Variants in NKAIN3 observed in about 807,000 individuals in gnomAD.
NKAIN3 encodes the protein sodium/potassium-transporting ATPase subunit beta-1-interacting protein 3.
Under a neutral mutation model 30.2 loss-of-function variants are expected in NKAIN3, and 25 were observed. The observed-to-expected ratio is 0.83, with a 90% CI of 0.60 to 1.16. NKAIN3 has a LOEUF of 1.16. NKAIN3 is among the 50% of genes most tolerant of loss of function. NKAIN3 has a pLI of 0.00. For missense variants in NKAIN3, 225 were observed against 254.1 expected (o/e 0.89, Z 0.78); for synonymous variants, 91 against 89.6 (o/e 1.02, Z -0.09).
At chr8:62,789,120 G>A (rs1406900533) in intron 4 of NKAIN3, among the ~76,000 whole-genome samples, 1 of 152,022 alleles carries the variant, frequency 6.6e-6, no homozygotes, top group Non-Finnish European at 1.5e-5. Flanking sequence ...AAATTACCTT[G>A]GGCAGTATGG....
intron 3 of NKAIN3, among the ~76,000 whole-genome samples, chr8:62,618,194 A>G (rs1811519427): frequency 6.6e-6 from 1 of 152,114 alleles, no homozygotes; most frequent in Non-Finnish European, 1.5e-5. Flanking sequence ...GGCACCATTC[A>G]TCTCGTCTGC....
At chr8:62,850,371 G>A (rs1468073341) in intron 4 of NKAIN3, among the ~76,000 whole-genome samples, 3 of 152,054 alleles carry the variant, frequency 2.0e-5, no homozygotes, top group African/African-American at 4.8e-5. Context: ...TGTCAGATGA[G>A]TAGATTGCAA....
At chr8:62,885,101 T>C (rs1049942430) in intron 4 of NKAIN3, among the ~76,000 whole-genome samples, 2 of 152,214 alleles carry the variant, frequency 1.3e-5, no homozygotes, top group African/African-American at 2.4e-5. Context: ...ATGTTGCTTT[T>C]ATCTAATGTT....
At chr8:62,365,193 T>G (rs1223978016) in intron 1 of NKAIN3, among the ~76,000 whole-genome samples, 1 of 152,172 alleles carries the variant, frequency 6.6e-6, no homozygotes, top group African/African-American at 2.4e-5. Flanking sequence ...TTATTATTAG[T>G]TTGATAAATT....
At chr8:62,401,212 CAA>C (rs538514111) in intron 1 of NKAIN3, among the ~76,000 whole-genome samples, 128 of 152,140 alleles carry the variant, frequency 8.4e-4, no homozygotes, top group African/African-American at 2.8e-3. Context: ...GCTGCTATTA[CAA>C]GACTCTTATG....
At chr8:62,474,175 A>C (rs1806440659) in intron 1 of NKAIN3, 1 of 152,166 alleles carries the variant, frequency 6.6e-6, no homozygotes, top group Non-Finnish European at 1.5e-5. Flanking sequence ...CATTCATGTG[A>C]TCAAACCCCA....
chr8:62,870,616 A>G (rs1820598759), intron 4 of NKAIN3, among the ~76,000 whole-genome samples: 1 of 107,368 alleles, frequency 9.3e-6, no homozygotes, highest in Non-Finnish European at 1.9e-5. Flanking sequence ...TATACAATAT[A>G]TATACAAAAT....
intron 4 of NKAIN3, among the ~76,000 whole-genome samples, chr8:62,901,810 C>T (rs1465157312): frequency 2.0e-5 from 3 of 152,180 alleles, no homozygotes; most frequent in Admixed American, 2.0e-4. Flanking sequence ...CTATAAACTC[C>T]ATATTTCTAC....
chr8:62,747,191 C>A, intron 4 of NKAIN3, 62 bp downstream of exon 4: 1 of 1,072,898 alleles, frequency 9.3e-7, no homozygotes, highest in Admixed American at 1.9e-5. Flanking sequence ...TTTTTTTCTC[C>A]ACATCTACCT....
intron 4 of NKAIN3, among the ~76,000 whole-genome samples, chr8:62,830,079 A>G (rs1819147814): frequency 6.6e-6 from 1 of 152,204 alleles, no homozygotes; most frequent in African/African-American, 2.4e-5. Flanking sequence ...AGATATACAT[A>G]TTTCAAACTC....
chr8:62,536,584 A>G (rs1008614977), intron 1 of NKAIN3, among the ~76,000 whole-genome samples: 2 of 151,938 alleles, frequency 1.3e-5, no homozygotes, highest in East Asian at 3.9e-4. Context: ...GTGGGGACAC[A>G]TCTAGTAAGG....
At chr8:62,737,364 T>G (rs1316531118) in intron 3 of NKAIN3, among the ~76,000 whole-genome samples, 1 of 152,226 alleles carries the variant, frequency 6.6e-6, no homozygotes, top group Non-Finnish European at 1.5e-5. Flanking sequence ...CTTTCTCATA[T>G]CACTTTTACA....
Position 62,983,899 on chromosome 8 carries a change from T to C in NKAIN3, c.*18492T>C, listed in dbSNP as rs1372889979. 6.6e-6 allele frequency: 1 copy of C among 152,192 alleles called. No homozygotes were observed. Among genetic ancestry groups the C allele is most frequent in the East Asian group, 1.9e-4 (1 of 5,194 alleles). The allele number at this position is 152,192 out of a possible 1,614,324, so 9.4% of individuals were successfully genotyped here. A position where few individuals can be genotyped will look rare whatever the true frequency, so the allele number is the denominator to read the frequency against. ...AACAGACATTTTCTTGTTACATGTG[T>C]GGTGATCTGAGAATGGTGACTTTGG... is the stretch of plus-strand genomic sequence containing the variant. On this transcript the variant is annotated 3_prime_UTR_variant, in exon 7 of 7. Coordinates refer to ENST00000623646, the MANE Select transcript of NKAIN3 (RefSeq NM_001304533.3).
intron 5 of NKAIN3, among the ~76,000 whole-genome samples, chr8:62,951,515 C>T (rs1202591019): frequency 6.6e-6 from 1 of 151,790 alleles, no homozygotes; most frequent in Non-Finnish European, 1.5e-5. Context: ...TGCAGTGGCA[C>T]AATCTGGGCT....
At chr8:62,604,101 A>G (rs117170497) in intron 3 of NKAIN3, among the ~76,000 whole-genome samples, 37 of 152,178 alleles carry the variant, frequency 2.4e-4, no homozygotes, top group Non-Finnish European at 5.1e-4. Context: ...AACAGGAGAG[A>G]TTCCATCCTT....
intron 4 of NKAIN3, among the ~76,000 whole-genome samples, chr8:62,821,671 A>G (rs1818852173): frequency 6.6e-6 from 1 of 152,130 alleles, no homozygotes; most frequent in East Asian, 1.9e-4. Flanking sequence ...TACATCTTTA[A>G]CAAAGAAACG....
chr8:62,650,820 G>C (rs1395341695), intron 3 of NKAIN3, among the ~76,000 whole-genome samples: 1 of 151,858 alleles, frequency 6.6e-6, no homozygotes, highest in Non-Finnish European at 1.5e-5. Context: ...GGTCAGTCCT[G>C]GTGCCATATT....
At chr8:62,474,951 G>A (rs956880825) in intron 1 of NKAIN3, among the ~76,000 whole-genome samples, 1 of 152,056 alleles carries the variant, frequency 6.6e-6, no homozygotes, top group Non-Finnish European at 1.5e-5. Flanking sequence ...ATTAATTTAA[G>A]GTAGATCATG....
intron 1 of NKAIN3, among the ~76,000 whole-genome samples, chr8:62,284,035 G>T (rs924280307): frequency 6.6e-6 from 1 of 152,092 alleles, no homozygotes; most frequent in Admixed American, 6.6e-5. Context: ...TGCTCATTAT[G>T]AACTCTTCTT....
Sources: allele counts gnomAD v4.1 joint callset (sites outside exome capture counted in the v4.1 genomes callset), GRCh38; gene constraint gnomAD v4.1.1; transcripts MANE v1.5; gene names NCBI Gene and HGNC (gene_info 2026-07-23, HGNC 2026-07-21).